TOX: variants seen among roughly 807,000 people sequenced by gnomAD.
The protein encoded by TOX is thymocyte selection associated high mobility group box.
TOX carries 11 observed loss-of-function variants against 53.7 expected under a neutral mutation model. The ratio of observed to expected loss-of-function variants is 0.20; its 90% CI spans 0.13 to 0.34. The LOEUF is 0.34. Among genes scored for constraint, TOX ranks in the 10% least tolerant of loss-of-function variants. The pLI is 1.00. For missense variants in TOX, 570 were observed against 664.6 expected (o/e 0.86, Z 1.56); for synonymous variants, 225 against 245.3 (o/e 0.92, Z 0.77).
intron 7 of TOX, among the ~76,000 whole-genome samples, chr8:58,808,594 C>G (rs1021146756): frequency 1.3e-5 from 2 of 152,204 alleles, no homozygotes; most frequent in African/African-American, 2.4e-5. Flanking sequence ...GCCTAAACCC[C>G]TCAAAGTTTA....
At chr8:59,017,685 T>G (rs572357402) in intron 1 of TOX, among the ~76,000 whole-genome samples, 1 of 152,344 alleles carries the variant, frequency 6.6e-6, no homozygotes, top group African/African-American at 2.4e-5. Flanking sequence ...AAGCCATGCT[T>G]CTTACACCAG....
At chr8:58,926,863 G>A (rs1197210221) in intron 3 of TOX, among the ~76,000 whole-genome samples, 1 of 123,816 alleles carries the variant, frequency 8.1e-6, no homozygotes, top group Non-Finnish European at 1.7e-5. Context: ...CCTTGCAGAA[G>A]ACTGGTATAA....
chr8:58,950,282 T>C (rs1053771429), intron 2 of TOX, among the ~76,000 whole-genome samples: 1 of 152,208 alleles, frequency 6.6e-6, no homozygotes, highest in African/African-American at 2.4e-5. Context: ...TGTCTATTTA[T>C]GGCCAATCAT....
At position 59,118,949 on chromosome 8, in the gene TOX, G is replaced by A. The variant is rs1237627375; in HGVS notation, c.39C>T (p.Ala13=). ...VRFYPPPAQP[A]AAPDAPCLGP... ...CCAGACAGGGAGCGTCGGGCGCAGC[G>A]GCGGGCTGGGCTGGAGGTGGATAAA... The change falls in exon 1 of 9, where the codon GCC becomes GCT. Residue 13 remains alanine (A), a synonymous_variant. Coordinates refer to ENST00000361421, the MANE Select transcript of TOX (RefSeq NM_014729.3). This position sits in a 1 kb window ranked among gnomAD's most constrained non-coding sequence, Gnocchi z 4.1. 1.5e-5 allele frequency: 24 copies of A among 1,602,682 alleles called. No individual in the cohort carries two copies. The highest frequency in any genetic ancestry group is 2.0e-5 in the Non-Finnish European group (24 of 1,174,238).
intron 2 of TOX, among the ~76,000 whole-genome samples, chr8:58,951,369 TG>T (rs1812617157): frequency 6.6e-6 from 1 of 152,138 alleles, no homozygotes; most frequent in Non-Finnish European, 1.5e-5. Flanking sequence ...TTCAGGACAC[TG>T]GGGGAGGAGG....
chr8:59,022,674 T>C (rs754057109), intron 1 of TOX, among the ~76,000 whole-genome samples: 2 of 152,184 alleles, frequency 1.3e-5, no homozygotes, highest in East Asian at 1.9e-4. Flanking sequence ...GGTAAACTCA[T>C]AGTGAAGAAA....
rs539317544 is a variant in TOX at position 58,805,809 on chromosome 8, T to G, written c.*1938A>C. The G allele has an allele frequency of 4.6e-5, 7 of 152,800 alleles. No homozygotes were observed. The South Asian group carries it at 1.4e-3, about 32-fold the overall frequency. The allele number at this position is 152,800 out of a possible 1,614,324, so 9.5% of individuals were successfully genotyped here. On this transcript the variant is annotated 3_prime_UTR_variant, in exon 9 of 9. Transcript: ENST00000361421. ...ATTAGAGCTCTCAGCTACAGTCATT[T>G]TAATAATCACATGGATCTGCATTAT...
intron 3 of TOX, among the ~76,000 whole-genome samples, chr8:58,925,948 G>A (rs751440053): frequency 6.6e-6 from 1 of 152,132 alleles, no homozygotes; most frequent in Non-Finnish European, 1.5e-5. Flanking sequence ...GTGGAGACTA[G>A]CTGTGTATGC....
intron 3 of TOX, among the ~76,000 whole-genome samples, chr8:58,886,893 T>C (rs369626018): frequency 4.6e-5 from 7 of 150,994 alleles, no homozygotes; most frequent in African/African-American, 1.7e-4. Flanking sequence ...GTGTTAAAGG[T>C]AGTTGTTATA....
In TOX at chr8:59,022,090, G is replaced by T. The variant is rs540961638; in HGVS notation, c.103-62082C>A. 7.2e-5 allele frequency among the ~76,000 whole-genome samples: 11 copies of T among 152,242 alleles called. No individual in the cohort carries two copies. In the South Asian group the frequency reaches 2.1e-3, roughly 29 times the overall value. Reference sequence around the variant, plus strand: ...CACCATTTTTAATTAGGAAATTTAAGTTGCACCCCTGATTAAATGCAGAAG... The same window carrying T: ...CACCATTTTTAATTAGGAAATTTAATTTGCACCCCTGATTAAATGCAGAAG... On this transcript the variant is annotated intron_variant, in intron 1 of 8. Transcript: ENST00000361421.
chr8:59,060,464 A>G (rs28641710), intron 1 of TOX, among the ~76,000 whole-genome samples: 14 of 151,960 alleles, frequency 9.2e-5, no homozygotes, highest in Non-Finnish European at 2.1e-4. Flanking sequence ...CGTCTCTACT[A>G]AAAATACAAA....
intron 3 of TOX, among the ~76,000 whole-genome samples, chr8:58,901,947 T>A (rs958394727): frequency 3.3e-5 from 5 of 152,224 alleles, no homozygotes; most frequent in Non-Finnish European, 7.3e-5. Context: ...GCACCATGGA[T>A]ATCTTCCACA....
chr8:58,861,029 A>C (rs557659221), intron 3 of TOX, among the ~76,000 whole-genome samples: 1 of 152,290 alleles, frequency 6.6e-6, no homozygotes. Flanking sequence ...GCTTCATGCC[A>C]ATGCCATTTG....
At chr8:58,840,800 A>G (rs2129167211) in intron 4 of TOX, among the ~76,000 whole-genome samples, 1 of 151,310 alleles carries the variant, frequency 6.6e-6, no homozygotes, top group East Asian at 1.9e-4. Flanking sequence ...ATTAGCTCTC[A>G]ATTAGATCTC....
At chr8:58,824,502 A>G (rs1048850810) in intron 6 of TOX, among the ~76,000 whole-genome samples, 8 of 152,122 alleles carry the variant, frequency 5.3e-5, no homozygotes, top group Non-Finnish European at 1.2e-4. Flanking sequence ...CAATTCAAGG[A>G]AACATTTTGC....
chr8:58,951,615 T>C (rs79187622), intron 2 of TOX, among the ~76,000 whole-genome samples: 5 of 152,172 alleles, frequency 3.3e-5, no homozygotes, highest in Non-Finnish European at 7.3e-5. Context: ...CTTTGTGATT[T>C]TGGAGAACAA....
At chr8:59,064,125 C>A (rs1804045317) in intron 1 of TOX, among the ~76,000 whole-genome samples, 1 of 151,968 alleles carries the variant, frequency 6.6e-6, no homozygotes, top group African/African-American at 2.4e-5. Context: ...GATATTAGTG[C>A]CTATTGTAAT....
At chr8:59,013,669 A>G (rs1178093014) in intron 1 of TOX, among the ~76,000 whole-genome samples, 1 of 152,224 alleles carries the variant, frequency 6.6e-6, no homozygotes, top group East Asian at 1.9e-4. Context: ...CCGGCCTCCC[A>G]AAGTGCTGGG....
At chr8:59,057,078 C>T (rs1224578229) in intron 1 of TOX, among the ~76,000 whole-genome samples, 2 of 152,152 alleles carry the variant, frequency 1.3e-5, no homozygotes, top group East Asian at 3.9e-4. Flanking sequence ...CTCAGCTCAC[C>T]CAGAAAGCCA....
Sources: gnomAD v4.1 joint callset for allele counts (sites outside exome capture counted in the v4.1 genomes callset) on GRCh38, gnomAD v4.1.1 for gene constraint, Gnocchi (gnomAD v3.1) non-coding constraint, MANE v1.5 for transcripts, NCBI Gene and HGNC (gene_info 2026-07-23, HGNC 2026-07-21) for gene names.